PTPRD: variants seen among roughly 807,000 people sequenced by gnomAD.
PTPRD encodes receptor-type tyrosine-protein phosphatase delta.
Under a neutral mutation model 214.5 loss-of-function variants are expected in PTPRD, and 34 were observed. The ratio of observed to expected loss-of-function variants is 0.16; its 90% CI spans 0.12 to 0.21. The LOEUF (loss-of-function observed/expected upper bound fraction) is 0.21. PTPRD is among the 10% of genes least tolerant of loss of function. The pLI is 1.00. For synonymous variants in PTPRD, 1,128 were observed against 845.7 expected (o/e 1.33, Z -5.79); for missense variants, 2,545 against 2,398.7 (o/e 1.06, Z -1.27).
intron 5 of PTPRD, among the ~76,000 whole-genome samples, chr9:9,910,025 G>A (rs1342843747): frequency 6.6e-6 from 1 of 151,862 alleles, no homozygotes; most frequent in Non-Finnish European, 1.5e-5. Context: ...GTAAATATAT[G>A]GTCTCTGGAG....
chr9:8,789,483 T>C (rs189887846), intron 11 of PTPRD, among the ~76,000 whole-genome samples: 3 of 152,290 alleles, frequency 2.0e-5, no homozygotes, highest in Non-Finnish European at 4.4e-5. Flanking sequence ...TTCAATCTAT[T>C]CCTAAGGCTG....
chr9:8,564,674 T>C (rs191863932), intron 14 of PTPRD, among the ~76,000 whole-genome samples: 2 of 152,274 alleles, frequency 1.3e-5, no homozygotes, highest in Admixed American at 1.3e-4. Context: ...TACTCCAGCC[T>C]GGGCGACAGA....
chr9:9,692,184 G>A (rs2790040), intron 7 of PTPRD, among the ~76,000 whole-genome samples: 1 of 151,212 alleles, frequency 6.6e-6, no homozygotes, highest in African/African-American at 2.4e-5. Context: ...GGATATTCAT[G>A]AAGAAACATT....
intron 5 of PTPRD, among the ~76,000 whole-genome samples, chr9:9,923,617 A>G (rs1353168745): frequency 6.6e-6 from 1 of 151,992 alleles, no homozygotes; most frequent in Non-Finnish European, 1.5e-5. Context: ...AGTCATCTAC[A>G]AACAAAAAGG....
At chr9:8,858,964 G>A (rs1473121103) in intron 11 of PTPRD, among the ~76,000 whole-genome samples, 3 of 152,156 alleles carry the variant, frequency 2.0e-5, no homozygotes, top group African/African-American at 2.4e-5. Flanking sequence ...ATGCACACCC[G>A]GGCGCTTCCT....
intron 9 of PTPRD, among the ~76,000 whole-genome samples, chr9:9,297,327 T>A (rs1205555589): frequency 6.6e-6 from 1 of 151,628 alleles, no homozygotes; most frequent in African/African-American, 2.4e-5. Context: ...GAGATATGGT[T>A]TTGGGTCTTG....
chr9:10,288,470 T>C (rs985752917), intron 3 of PTPRD, among the ~76,000 whole-genome samples: 1 of 152,148 alleles, frequency 6.6e-6, no homozygotes, highest in Non-Finnish European at 1.5e-5. Flanking sequence ...AGCTTTTGTT[T>C]TCAGAAATGC....
intron 9 of PTPRD, among the ~76,000 whole-genome samples, chr9:9,378,900 C>T (rs1354845809): frequency 2.6e-5 from 4 of 151,790 alleles, no homozygotes; most frequent in East Asian, 1.9e-4. Context: ...TTTGGATAAC[C>T]GCTCCTTATC....
rs146270643 is a variant in PTPRD, at chr9:10,106,722, C to T, written c.-544-72932G>A. Among the ~76,000 whole-genome samples the T allele has an allele frequency of 2.3e-4, 35 of 151,862 alleles. 1 individual carries two copies. In the East Asian group the frequency reaches 5.1e-3, roughly 22 times the overall value. ...TTGACCATTTGAACTAAAATAAAAA[C>T]GTGTCTTTCTCTTTCTTTTTTAAAT... On this transcript the variant is annotated intron_variant, in intron 3 of 45. Transcript: ENST00000381196.
intron 8 of PTPRD, among the ~76,000 whole-genome samples, chr9:9,566,562 C>T (rs1207330509): frequency 1.3e-5 from 2 of 151,800 alleles, no homozygotes; most frequent in African/African-American, 4.8e-5. Flanking sequence ...TTCTTATATG[C>T]TAAATAAAAC....
intron 9 of PTPRD, among the ~76,000 whole-genome samples, chr9:9,313,022 C>G (rs1959948791): frequency 6.6e-6 from 1 of 152,102 alleles, no homozygotes; most frequent in Admixed American, 6.6e-5. Context: ...ATTAATCTTT[C>G]TTAAGTGTAT....
At chr9:10,277,248 A>AAACATAAACAT (rs76280943) in intron 3 of PTPRD, among the ~76,000 whole-genome samples, 9 of 101,114 alleles carry the variant, frequency 8.9e-5, no homozygotes, top group Non-Finnish European at 1.6e-4. Flanking sequence ...CATAAACATA[A>AAACATAAACAT]AAAAAAAACA....
intron 5 of PTPRD, among the ~76,000 whole-genome samples, chr9:9,852,334 T>C (rs1163759184): frequency 6.6e-6 from 1 of 152,056 alleles, no homozygotes; most frequent in East Asian, 1.9e-4. Flanking sequence ...GAAAAACAAT[T>C]TTTTTGTTAG....
At chr9:8,537,491 G>C (rs1027970190) in intron 14 of PTPRD, among the ~76,000 whole-genome samples, 1 of 151,966 alleles carries the variant, frequency 6.6e-6, no homozygotes, top group African/African-American at 2.4e-5. Flanking sequence ...TAGTATGCTT[G>C]TCTTAATATG....
chr9:9,606,643 T>G (rs967282778), intron 7 of PTPRD, among the ~76,000 whole-genome samples: 2 of 151,988 alleles, frequency 1.3e-5, no homozygotes, highest in Non-Finnish European at 2.9e-5. Context: ...TTCCTGAATT[T>G]TAGCCTGTAG....
At chr9:9,471,830 T>A (rs190627932) in intron 8 of PTPRD, among the ~76,000 whole-genome samples, 26 of 152,276 alleles carry the variant, frequency 1.7e-4, no homozygotes, top group African/African-American at 6.3e-4. Context: ...CATTGCAGCA[T>A]TCATACTTCT....
intron 11 of PTPRD, among the ~76,000 whole-genome samples, chr9:8,834,334 G>A (rs556605160): frequency 2.6e-5 from 4 of 152,196 alleles, no homozygotes; most frequent in African/African-American, 7.2e-5. Context: ...CATATGAAGT[G>A]TAAAAATCTG....
intron 2 of PTPRD, among the ~76,000 whole-genome samples, chr9:10,388,946 G>C (rs2097990588): frequency 6.6e-6 from 1 of 151,820 alleles, no homozygotes; most frequent in African/African-American, 2.4e-5. Flanking sequence ...AAATGAAATT[G>C]TATAGAAGTT....
At chr9:8,889,330 A>G (rs1402605783) in intron 11 of PTPRD, among the ~76,000 whole-genome samples, 1 of 152,184 alleles carries the variant, frequency 6.6e-6, no homozygotes, top group East Asian at 1.9e-4. Flanking sequence ...TTCACCCCTG[A>G]ATTCTCAGCT....
Sources: allele counts gnomAD v4.1 joint callset (sites outside exome capture counted in the v4.1 genomes callset), GRCh38; gene constraint gnomAD v4.1.1; transcripts MANE v1.5; gene names NCBI Gene and HGNC (gene_info 2026-07-23, HGNC 2026-07-21).